The following BZW2 variants were observed in gnomAD, a reference collection of about 807,000 sequenced individuals.
The protein encoded by BZW2 is basic leucine zipper and W2 domains 2.
Under a neutral mutation model 53.2 loss-of-function variants are expected in BZW2, and 23 were observed. The ratio of observed to expected loss-of-function variants is 0.43; its 90% CI spans 0.31 to 0.61. The LOEUF is 0.61. BZW2 is among the 20% of genes least tolerant of loss of function. The pLI, the probability that BZW2 is intolerant of heterozygous loss-of-function variation, is 0.09. For missense variants in BZW2, 409 were observed against 503.1 expected, an observed-to-expected ratio of 0.81 and a Z score of 1.79; for synonymous variants, 227 against 186.4, an observed-to-expected ratio of 1.22 and a Z score of -1.77.
rs774769386 is a variant in BZW2 at position 16,704,661 on chromosome 7, CAGA to C, written c.1229_1231del (p.Glu411del). ...AAATTTGTTGAGTGGTTACAAAATG[CAGA>C]AGAAGGTATGATTCTGTTTACAAAC... On this transcript the variant is annotated inframe_deletion, in exon 11 of 12. Coordinates refer to ENST00000258761, the MANE Select transcript of BZW2 (RefSeq NM_014038.3). 6.3e-7 allele frequency: 1 copy of C among 1,580,540 alleles called. No homozygotes were observed. Among genetic ancestry groups the C allele is most frequent in the Non-Finnish European group, 8.7e-7 (1 of 1,155,110 alleles).
At chr7:16,673,212 C>T (rs1304225455) in intron 2 of BZW2, among the ~76,000 whole-genome samples, 1 of 152,188 alleles carries the variant, frequency 6.6e-6, no homozygotes, top group Non-Finnish European at 1.5e-5. Flanking sequence ...TCCCAAAGTG[C>T]TGGGATTACA....
chr7:16,695,397 T>C lies in BZW2; in HGVS notation c.822+393T>C, dbSNP rs1783447625. ...TCTAGTGTTTGGAATTAACACTGGA[T>C]TTTTTGTTCATCACTCTGTATGAAT... On this transcript the variant is annotated intron_variant, in intron 8 of 11. Coordinates refer to ENST00000258761, the MANE Select transcript of BZW2 (RefSeq NM_014038.3). Among the ~76,000 whole-genome samples, 3 of 152,330 alleles carry C rather than the reference T, an allele frequency of 2.0e-5. No individual in the cohort carries two copies. The South Asian group carries it at 6.2e-4, about 32-fold the overall frequency.
intron 2 of BZW2, among the ~76,000 whole-genome samples, chr7:16,670,287 T>C (rs1267056393): frequency 6.6e-6 from 1 of 152,256 alleles, no homozygotes; most frequent in African/African-American, 2.4e-5. Flanking sequence ...AATGGGAGGA[T>C]GAAGATCTTT....
At position 16,698,115 on chromosome 7, in the gene BZW2, T is replaced by C; in HGVS notation, c.1037T>C (p.Val346Ala). Residue 346 changes from valine to alanine, a missense_variant, in exon 10 of 12, where the codon GTT (valine) becomes GCT (alanine). Val to Ala is a moderately conservative substitution (Grantham distance 64, BLOSUM62 0). Around this residue, in one of 3 missense-constraint regions of BZW2, gnomAD observed 88 missense variants for 114.6 expected, o/e 0.77. Coordinates refer to ENST00000258761, the MANE Select transcript of BZW2 (RefSeq NM_014038.3). Reference protein sequence around the residue: ...GQSELILLQKVQEYCYDNIHF... With the variant: ...GQSELILLQKAQEYCYDNIHF... The stretch of plus-strand genomic sequence containing the variant: ...TCAGAGCTGATCCTCCTCCAGAAGG[T>C]TCAGGAATACTGCTACGACAACATC... The C allele has an allele frequency of 6.2e-7, 1 of 1,614,138 alleles. No homozygotes were observed. Among genetic ancestry groups the C allele is most frequent in the Non-Finnish European group, 8.5e-7 (1 of 1,179,996 alleles).
chr7:16,675,128 G>A (rs1782727539), intron 3 of BZW2, among the ~76,000 whole-genome samples: 1 of 152,160 alleles, frequency 6.6e-6, no homozygotes, highest in Non-Finnish European at 1.5e-5. Flanking sequence ...GAGGCATCAG[G>A]AAAGTAGGCT....
chr7:16,677,051 CTTT>C (rs10660587), intron 3 of BZW2, among the ~76,000 whole-genome samples: 5 of 130,066 alleles, frequency 3.8e-5, no homozygotes, highest in South Asian at 4.9e-4. Flanking sequence ...GCCCAGATTT[CTTT>C]TTTTTTTTTT....
At chr7:16,673,114 T>A (rs1782657113) in intron 2 of BZW2, among the ~76,000 whole-genome samples, 1 of 152,032 alleles carries the variant, frequency 6.6e-6, no homozygotes. Context: ...CCCTGGCTAA[T>A]TTTTTGTATT....
At position 16,698,137 on chromosome 7, in the gene BZW2, C is replaced by T. The variant is rs778750516; in HGVS notation, c.1059C>T (p.Asn353=). 2 of 1,614,086 alleles carry T rather than the reference C, an allele frequency of 1.2e-6. No individual in the cohort carries two copies. Among genetic ancestry groups the T allele is most frequent in the South Asian group, 1.1e-5 (1 of 91,090 alleles). The change falls in exon 10 of 12, where the codon AAC becomes AAT. Residue 353 remains asparagine (N), a synonymous_variant. Transcript: ENST00000258761. ...LQKVQEYCYD[N]IHFMKAFQKI... Reference sequence around the variant, plus strand: ...AGGTTCAGGAATACTGCTACGACAACATCCATTTCATGAAAGCCTTTCAGA... The same window carrying T: ...AGGTTCAGGAATACTGCTACGACAATATCCATTTCATGAAAGCCTTTCAGA...
intron 1 of BZW2, among the ~76,000 whole-genome samples, chr7:16,664,126 C>T (rs117605642): frequency 0.019 from 2,940 of 152,160 alleles, 49 homozygotes; most frequent in Non-Finnish European, 0.024. Flanking sequence ...AGCATCTTTC[C>T]ATAACAGTCC....
intron 10 of BZW2, among the ~76,000 whole-genome samples, chr7:16,702,311 T>G (rs1783690994): frequency 6.6e-6 from 1 of 152,166 alleles, no homozygotes; most frequent in Non-Finnish European, 1.5e-5. Flanking sequence ...TATGGTGCTC[T>G]GTGTAGATAC....
At chr7:16,692,979 C>T (rs1021846762) in intron 7 of BZW2, among the ~76,000 whole-genome samples, 2 of 152,050 alleles carry the variant, frequency 1.3e-5, no homozygotes, top group African/African-American at 4.8e-5. Flanking sequence ...TATTGGGGAC[C>T]GCAAGGGGAG....
intron 2 of BZW2, among the ~76,000 whole-genome samples, chr7:16,669,244 A>G (rs988080167): frequency 2.0e-5 from 3 of 151,980 alleles, no homozygotes; most frequent in Non-Finnish European, 2.9e-5. Context: ...TTGTGCCTCA[A>G]CCTCCCGAGT....
chr7:16,698,902 T>C (rs1006359081), intron 10 of BZW2, among the ~76,000 whole-genome samples: 2 of 152,232 alleles, frequency 1.3e-5, no homozygotes, highest in Non-Finnish European at 2.9e-5. Flanking sequence ...TTATTTTATG[T>C]TATTATGTTC....
chr7:16,654,521 CA>C (rs1295132794), intron 1 of BZW2, among the ~76,000 whole-genome samples: 438 of 85,188 alleles, frequency 5.1e-3, no homozygotes, highest in African/African-American at 0.016. Flanking sequence ...CCCCCCCCCC[CA>C]AAAAAAAACG....
rs199513488 is a variant in BZW2, at chr7:16,674,498, G to A, written c.145G>A (p.Ala49Thr). 1 of 1,613,600 alleles carries A rather than the reference G, an allele frequency of 6.2e-7. No homozygotes were observed. Among genetic ancestry groups the A allele is most frequent in the Non-Finnish European group, 8.5e-7 (1 of 1,179,664 alleles). ...GGCTGGTGATGACCTTGAAGCTGTA[G>A]CCAAATTTCTGGACTCTACAGGCTC... Reference protein sequence around the residue: ...NEAGDDLEAVAKFLDSTGSRL... With the variant: ...NEAGDDLEAVTKFLDSTGSRL... Residue 49 changes from alanine to threonine, a missense_variant, in exon 3 of 12, where the codon GCC becomes ACC. Physicochemically the swap from Ala to Thr is moderately conservative, Grantham distance 58. Around this residue, in one of 3 missense-constraint regions of BZW2, gnomAD observed 316 missense variants for 366.8 expected, o/e 0.86. Transcript: ENST00000258761.
At chr7:16,670,948 T>A (rs1017759004) in intron 2 of BZW2, among the ~76,000 whole-genome samples, 2 of 152,248 alleles carry the variant, frequency 1.3e-5, no homozygotes, top group African/African-American at 4.8e-5. Flanking sequence ...GCCATTCTTC[T>A]CTGGTTCTCA....
chr7:16,652,173 A>C (rs1472636481), intron 1 of BZW2, among the ~76,000 whole-genome samples: 1 of 152,164 alleles, frequency 6.6e-6, no homozygotes, highest in Non-Finnish European at 1.5e-5. Flanking sequence ...CCTTATCTGA[A>C]GGTTAGCTTA....
rs1783851758 is a variant in BZW2 at position 16,706,193 on chromosome 7, A to C, written c.*105A>C. On this transcript the variant is annotated 3_prime_UTR_variant, in exon 12 of 12. Transcript: ENST00000258761. ...TTGGCTTCTGTTTTCGCAAAGGAAA[A>C]AAAAAATAGGATAGGCTTCCCTTGT... 7.8e-7 allele frequency: 1 copy of C among 1,276,812 alleles called. No homozygotes were observed. Among genetic ancestry groups the C allele is most frequent in the African/African-American group, 1.5e-5 (1 of 66,134 alleles). 79.1% of individuals were successfully genotyped at this position (1,276,812 alleles called of 1,614,324 possible). A position where few individuals can be genotyped will look rare whatever the true frequency, so the allele number is the denominator to read the frequency against.
At chr7:16,653,332 C>T (rs891909139) in intron 1 of BZW2, among the ~76,000 whole-genome samples, 2 of 152,058 alleles carry the variant, frequency 1.3e-5, no homozygotes, top group African/African-American at 4.8e-5. Context: ...GATTAAAAAT[C>T]CTCTGAAGAG....
Sources: gnomAD v4.1 joint callset for allele counts (sites outside exome capture counted in the v4.1 genomes callset) on GRCh38, gnomAD v4.1.1 for gene constraint, gnomAD v4.1.1 regional missense constraint, MANE v1.5 for transcripts, NCBI Gene and HGNC (gene_info 2026-07-23, HGNC 2026-07-21) for gene names.